The following LRRC41 variants were observed in gnomAD, a reference collection of about 807,000 sequenced individuals.
The protein encoded by LRRC41 is leucine-rich repeat-containing protein 41.
A neutral mutation model predicts 72.1 loss-of-function variants in LRRC41; 17 were observed. That is an observed-to-expected ratio of 0.24 (90% CI 0.16 to 0.35). The LOEUF (loss-of-function observed/expected upper bound fraction) is 0.35, where lower values mean the gene tolerates loss of function less well. LRRC41 is among the 10% of genes least tolerant of loss of function. The pLI, the probability that LRRC41 is intolerant of heterozygous loss-of-function variation, is 1.00. For missense variants in LRRC41, 759 were observed against 1,065.0 expected (o/e 0.71, Z 4.00); for synonymous variants, 427 against 431.0 (o/e 0.99, Z 0.11).
intron 4 of LRRC41, among the ~76,000 whole-genome samples, chr1:46,284,745 G>A (rs560084224): frequency 6.6e-6 from 1 of 152,278 alleles, no homozygotes; most frequent in South Asian, 2.1e-4. Flanking sequence ...GTTTGGAAGT[G>A]GTAGGAATGG....
Position 46,279,525 on chromosome 1 carries a change from G to A in LRRC41, c.2110C>T (p.Leu704=), listed in dbSNP as rs148813221. The change falls in exon 8 of 10, where the codon CTG becomes TTG. Residue 704 remains leucine (L), a synonymous_variant. Transcript: ENST00000617190. The surrounding 1 kb of genome is among the most constrained non-coding windows in gnomAD (Gnocchi z 4.5). ...TTCCCTGGCAGCCGGAGGCCCTTCA[G>A]TGTGGAGTTGCCCTTCATAGCAGCA... ...MVAAMKGNST[L]KGLRLPGNRL... 9.7e-5 allele frequency: 156 copies of A among 1,614,252 alleles called. 1 individual carries two copies. In the African/African-American group the frequency reaches 2.0e-3, roughly 20 times the overall value.
chr1:46,296,947 G>A (rs1661137412), intron 3 of LRRC41: 1 of 152,134 alleles, frequency 6.6e-6, no homozygotes, highest in Non-Finnish European at 1.5e-5. Context: ...CTCTTTTTCA[G>A]GAAAAACATC....
intron 5 of LRRC41, 73 bp downstream of exon 5, chr1:46,281,052 T>C: frequency 6.4e-7 from 1 of 1,570,086 alleles, no homozygotes; most frequent in South Asian, 1.2e-5. Flanking sequence ...CCTTTCCCCA[T>C]ACGAATGCAT....
chr1:46,291,017 C>T (rs1240628638), intron 3 of LRRC41, among the ~76,000 whole-genome samples: 1 of 150,680 alleles, frequency 6.6e-6, no homozygotes, highest in Non-Finnish European at 1.5e-5. Flanking sequence ...CTCCATCTCC[C>T]AGGTTCAAGC....
At position 46,302,733 on chromosome 1, in the gene LRRC41, C is replaced by T; in HGVS notation, c.199+391G>A. On this transcript the variant is annotated intron_variant, in intron 1 of 9. Coordinates refer to ENST00000617190, the MANE Select transcript of LRRC41 (RefSeq NM_006369.5). This position sits in a 1 kb window ranked among gnomAD's most constrained non-coding sequence, Gnocchi z 4.7. ...CCGGGCCTCCTAACCTCGGCCCCTG[C>T]CCTAGGGCAGCCGGGCCATCGCTGC... 1 of 985,224 alleles carries T rather than the reference C, an allele frequency of 1.0e-6. No homozygotes were observed. The allele number at this position is 985,224 out of a possible 1,614,324, so 61.0% of individuals were successfully genotyped here.
chr1:46,279,545 G>T lies in LRRC41; in HGVS notation c.2090C>A (p.Ala697Asp), dbSNP rs1471909407. 6.2e-7 allele frequency: 1 copy of T among 1,614,080 alleles called. No individual in the cohort carries two copies. The highest frequency in any genetic ancestry group is 1.3e-5 in the African/African-American group (1 of 74,930). Residue 697 changes from alanine to aspartate, a missense_variant, in exon 8 of 10, where the codon GCT (alanine) becomes GAT (aspartate). Ala to Asp is a moderately radical substitution (Grantham distance 126). This residue lies in a region of LRRC41 where 110 missense variants were observed against 227.0 expected (regional missense o/e 0.48). Transcript: ENST00000617190. This position sits in a 1 kb window ranked among gnomAD's most constrained non-coding sequence, Gnocchi z 4.5. ...CTTCAGTGTGGAGTTGCCCTTCATAGCAGCAACCATCTCAGGCAGAAATTG... is the reference window on the plus strand; with the variant it reads ...CTTCAGTGTGGAGTTGCCCTTCATATCAGCAACCATCTCAGGCAGAAATTG... ...PAQFLPEMVA[A>D]MKGNSTLKGL... is the part of the protein sequence containing the mutation.
intron 3 of LRRC41, among the ~76,000 whole-genome samples, chr1:46,289,827 T>G (rs1442358082): frequency 6.6e-6 from 1 of 152,184 alleles, no homozygotes; most frequent in Non-Finnish European, 1.5e-5. Context: ...TCCAGACCAC[T>G]CATTTTATGG....
intron 1 of LRRC41, chr1:46,300,313 C>A (rs1303492982): frequency 1.3e-5 from 2 of 152,138 alleles, no homozygotes; most frequent in Non-Finnish European, 2.9e-5. Flanking sequence ...GCCTGGGTGA[C>A]AGAGTGAGAC....
intron 3 of LRRC41, among the ~76,000 whole-genome samples, chr1:46,290,196 C>T (rs1660977897): frequency 5.3e-5 from 8 of 152,134 alleles, no homozygotes; most frequent in Admixed American, 5.2e-4. Context: ...TTGCTTGAGT[C>T]CATGAGTTTG....
intron 1 of LRRC41, chr1:46,299,145 C>G (rs1322124354): frequency 6.6e-6 from 1 of 152,216 alleles, no homozygotes; most frequent in African/African-American, 2.4e-5. Context: ...AGTATAGTGT[C>G]TAAAGGGTTT....
chr1:46,297,394 G>C (rs1003163311), intron 3 of LRRC41, 169 bp downstream of exon 3: 5 of 536,818 alleles, frequency 9.3e-6, no homozygotes, highest in Non-Finnish European at 1.7e-5. Context: ...GCAATTCAGT[G>C]ACAAATGCCA....
In LRRC41 at chr1:46,292,791, C is replaced by G. The variant is rs376207439; in HGVS notation, c.357+4772G>C. Among the ~76,000 whole-genome samples the G allele has an allele frequency of 7.2e-5, 11 of 152,128 alleles. No individual in the cohort carries two copies. In the East Asian group the frequency reaches 1.7e-3, roughly 24 times the overall value. On this transcript the variant is annotated intron_variant, in intron 3 of 9. Transcript: ENST00000617190. ...AATTTGGTTATGGTGTTGGCATTTT[C>G]ATTTTTTTAATTTAATCAATACAAA... is the stretch of plus-strand genomic sequence containing the variant.
rs758718009 is a variant in LRRC41, at chr1:46,285,852, T to C, written c.1005A>G (p.Gly335=). 6.3e-7 allele frequency: 1 copy of C among 1,587,840 alleles called. No homozygotes were observed. Among genetic ancestry groups the C allele is most frequent in the Admixed American group, 1.8e-5 (1 of 55,076 alleles). ...GGTGCAGCTCCCTCTTAAGGTCTGTTCCGCCTGCTGTCAGGCTCTCCTGTG... is the reference window on the plus strand; with the variant it reads ...GGTGCAGCTCCCTCTTAAGGTCTGTCCCGCCTGCTGTCAGGCTCTCCTGTG... ...RSTQESLTAG[G]TDLKRELHPP... Residue 335 remains glycine, a synonymous_variant, in exon 4 of 10, where the codon GGA becomes GGG. Coordinates refer to ENST00000617190, the MANE Select transcript of LRRC41 (RefSeq NM_006369.5). The surrounding 1 kb of genome is among the most constrained non-coding windows in gnomAD (Gnocchi z 5.3).
In LRRC41 at chr1:46,280,250, C is replaced by G. The variant is rs763726933; in HGVS notation, c.1962G>C (p.Met654Ile). 2 of 1,614,192 alleles carry G rather than the reference C, an allele frequency of 1.2e-6. No homozygotes were observed. Among genetic ancestry groups the G allele is most frequent in the Non-Finnish European group, 1.7e-6 (2 of 1,180,030 alleles). The change falls in exon 7 of 10, where the codon ATG becomes ATC. Residue 654 changes from methionine to isoleucine, a missense_variant. By Grantham distance (10) the Met-to-Ile change is conservative (BLOSUM62 1). Coordinates refer to ENST00000617190, the MANE Select transcript of LRRC41 (RefSeq NM_006369.5). Reference protein sequence around the residue: ...LALKRLSFHDMNLADCQSEVL... With the variant: ...LALKRLSFHDINLADCQSEVL... ...CCTCGCTCTGACAGTCAGCGAGATT[C>G]ATGTCATGGAAGCTCAGTCTTTTCA...
chr1:46,284,789 C>T (rs527438839), intron 4 of LRRC41, among the ~76,000 whole-genome samples: 23 of 152,154 alleles, frequency 1.5e-4, no homozygotes, highest in African/African-American at 4.8e-4. Flanking sequence ...AAGGTTCATA[C>T]GAGGTTAGTG....
intron 7 of LRRC41, 87 bp downstream of exon 7, chr1:46,280,105 G>A: frequency 9.6e-7 from 1 of 1,036,618 alleles, no homozygotes; most frequent in East Asian, 2.4e-5. Context: ...ACAAGGCCAA[G>A]AAAGGAACAG....
intron 3 of LRRC41, among the ~76,000 whole-genome samples, chr1:46,287,980 C>CA (rs1441870400): frequency 1.3e-5 from 2 of 152,236 alleles, no homozygotes; most frequent in African/African-American, 4.8e-5. Context: ...AGCGATTCAT[C>CA]AGACTATTCT....
In LRRC41 at chr1:46,286,625, C is replaced by T. The variant is rs1012855508; in HGVS notation, c.358-126G>A. On this transcript the variant is annotated intron_variant, in intron 3 of 9. Transcript: ENST00000617190. This position sits in a 1 kb window ranked among gnomAD's most constrained non-coding sequence, Gnocchi z 5.5. ...CTACAAATTCATTTAATCTTCACAT[C>T]TCTGAGGTATGTATTATTATTAGCC... 6.6e-6 allele frequency: 6 copies of T among 905,682 alleles called. No individual in the cohort carries two copies. The highest frequency in any genetic ancestry group is 9.8e-6 in the Non-Finnish European group (6 of 609,792). The allele number at this position is 905,682 out of a possible 1,614,324, so 56.1% of individuals were successfully genotyped here. A position where few individuals can be genotyped will look rare whatever the true frequency, so the allele number is the denominator to read the frequency against.
At chr1:46,298,168 G>T in intron 2 of LRRC41, 116 bp downstream of exon 2, 1 of 693,390 alleles carries the variant, frequency 1.4e-6, no homozygotes, top group Admixed American at 2.7e-5. Context: ...TAGGTGTGAA[G>T]GTACTTTTTG....
Sources: gnomAD v4.1 joint callset for allele counts (sites outside exome capture counted in the v4.1 genomes callset) on GRCh38, gnomAD v4.1.1 for gene constraint, gnomAD v4.1.1 regional missense constraint, Gnocchi (gnomAD v3.1) non-coding constraint, MANE v1.5 for transcripts, NCBI Gene and HGNC (gene_info 2026-07-23, HGNC 2026-07-21) for gene names.